CLCN7: variants seen among roughly 807,000 people sequenced by gnomAD.
CLCN7 encodes the protein Cl-/H+ antiporter 7.
Under a neutral mutation model 102.1 loss-of-function variants are expected in CLCN7, and 60 were observed. The ratio of observed to expected loss-of-function variants is 0.59; its 90% CI spans 0.48 to 0.73. CLCN7 has a LOEUF of 0.73. CLCN7 is among the 30% of genes least tolerant of loss of function. The pLI, the probability that CLCN7 is intolerant of heterozygous loss-of-function variation, is 0.00. For missense variants in CLCN7, 962 were observed against 1,125.7 expected (o/e 0.85, Z 2.08); for synonymous variants, 560 against 490.5 (o/e 1.14, Z -1.87).
chr16:1,454,633 T>C (rs1188296622), intron 12 of CLCN7, among the ~76,000 whole-genome samples, 168 bp from the exon 13 acceptor site: 1 of 152,166 alleles, frequency 6.6e-6, no homozygotes, highest in Non-Finnish European at 1.5e-5. Flanking sequence ...CTGGGTGTTC[T>C]GAGCAGGCCT....
chr16:1,457,712 C>T lies in CLCN7; in HGVS notation c.720G>A (p.Gly240=). 3 of 1,613,902 alleles carry T rather than the reference C, an allele frequency of 1.9e-6. No individual in the cohort carries two copies. Among genetic ancestry groups the T allele is most frequent in the South Asian group, 2.2e-5 (2 of 91,090 alleles). Residue 240 remains glycine (G), a synonymous_variant, in exon 8 of 25, where the codon GGG becomes GGA. Coordinates refer to ENST00000382745, the MANE Select transcript of CLCN7 (RefSeq NM_001287.6). The surrounding 1 kb of genome is among the most constrained non-coding windows in gnomAD (Gnocchi z 5.4). ...KVSGVILSVV[G]GLAVGKEGPM... is the part of the protein sequence containing the mutation. ...TTGTTACCTTTCCCACGGCCAGGCC[C>T]CCGACCACGGACAGGATCACACCGG...
chr16:1,473,220 A>G (rs1390987914), intron 1 of CLCN7, among the ~76,000 whole-genome samples: 1 of 152,154 alleles, frequency 6.6e-6, no homozygotes, highest in Non-Finnish European at 1.5e-5. Flanking sequence ...CACGGAGAGC[A>G]GGAGGGCCCA....
At chr16:1,465,111 T>C (rs935154226) in intron 2 of CLCN7, among the ~76,000 whole-genome samples, 156 bp downstream of exon 2, 10 of 152,214 alleles carry the variant, frequency 6.6e-5, no homozygotes, top group Non-Finnish European at 1.3e-4. Context: ...CTCTGCTCAC[T>C]TGGCGTCAGG....
Position 1,457,874 on chromosome 16 carries a change from C to A in CLCN7, c.676-118G>T. ...CAGAGTGGCTGGGACACGGGGCCTC[C>A]GGGAGGGGGCCAGCACCCCCAGGCT... On this transcript the variant is annotated intron_variant, in intron 7 of 24. Transcript: ENST00000382745. This position sits in a 1 kb window ranked among gnomAD's most constrained non-coding sequence, Gnocchi z 5.4. The A allele has an allele frequency of 1.0e-6, 1 of 995,732 alleles. No homozygotes were observed. Among genetic ancestry groups the A allele is most frequent in the Admixed American group, 1.9e-5 (1 of 52,302 alleles). The allele number at this position is 995,732 out of a possible 1,614,324, so 61.7% of individuals were successfully genotyped here.
At chr16:1,450,435 G>A (rs532654663) in intron 17 of CLCN7, 62 bp downstream of exon 17, 391 of 1,480,948 alleles carry the variant, frequency 2.6e-4, no homozygotes, top group Non-Finnish European at 3.2e-4. Flanking sequence ...GCTCCGGCCC[G>A]CGATGCCGCA....
chr16:1,448,823 C>G, intron 19 of CLCN7, 57 bp from the exon 20 acceptor site: 1 of 1,599,612 alleles, frequency 6.3e-7, no homozygotes, highest in Non-Finnish European at 8.5e-7. Flanking sequence ...CCTGGAGCCC[C>G]GAGCCTACCC....
At position 1,474,996 on chromosome 16, in the gene CLCN7, G is replaced by T. The variant is rs553118768; in HGVS notation, c.-22C>A. On this transcript the variant is annotated 5_prime_UTR_variant, in exon 1 of 25. Transcript: ENST00000382745. ...CCATGGCCCGCCGCGGAGCGACACC[G>T]GCCGGGAAGCGCCGGCTGCCCCCGT... 1 of 1,447,392 alleles carries T rather than the reference G, an allele frequency of 6.9e-7. No individual in the cohort carries two copies. The highest frequency in any genetic ancestry group is 1.5e-5 in the African/African-American group (1 of 67,934). 89.7% of individuals were successfully genotyped at this position (1,447,392 alleles called of 1,614,324 possible). A position where few individuals can be genotyped will look rare whatever the true frequency, so the allele number is the denominator to read the frequency against.
Position 1,452,844 on chromosome 16 carries a change from C to T in CLCN7, c.1264G>A (p.Ala422Thr), listed in dbSNP as rs1360191307. Residue 422 changes from alanine (A) to threonine (T), a missense_variant, in exon 15 of 25, where the codon GCC (alanine) becomes ACC (threonine). By Grantham distance (58) the Ala-to-Thr change is moderately conservative. Around this residue, in one of 2 missense-constraint regions of CLCN7, gnomAD observed 799 missense variants for 988.0 expected, o/e 0.81. Coordinates refer to ENST00000382745, the MANE Select transcript of CLCN7 (RefSeq NM_001287.6). Reference sequence around the variant, plus strand: ...ACGAAGGCAACTGTGGCCGTGACGGCGGCCACCAGCACGGCCTCAATCACC... The same window carrying T: ...ACGAAGGCAACTGTGGCCGTGACGGTGGCCACCAGCACGGCCTCAATCACC... ...LQVIEAVLVA[A>T]VTATVAFVLI... 22 of 1,585,920 alleles carry T rather than the reference C, an allele frequency of 1.4e-5. No homozygotes were observed. The highest frequency in any genetic ancestry group is 7.0e-5 in the East Asian group (3 of 43,048).
chr16:1,467,040 AC>A (rs1198579758), intron 1 of CLCN7, among the ~76,000 whole-genome samples: 32 of 145,412 alleles, frequency 2.2e-4, no homozygotes, highest in Admixed American at 1.7e-3. Context: ...CTTGCTGTAC[AC>A]CCCCCGTGTT....
At position 1,454,846 on chromosome 16, in the gene CLCN7, C is replaced by T. The variant is rs962152804; in HGVS notation, c.1098+288G>A. Among the ~76,000 whole-genome samples, 77 of 152,226 alleles carry T rather than the reference C, an allele frequency of 5.1e-4. 1 individual carries two copies. The highest frequency in any genetic ancestry group is 2.0e-4 in the Admixed American group (3 of 15,288). ...TGGAAACTAGGCCTGAGCCCACCTG[C>T]CCCGAGAGCGGCTGCTGCACGTGCC... On this transcript the variant is annotated intron_variant, in intron 12 of 24. Transcript: ENST00000382745.
In CLCN7 at chr16:1,455,111, A is replaced by C. The variant is rs773674996; in HGVS notation, c.1098+23T>G. 14 of 1,346,272 alleles carry C rather than the reference A, an allele frequency of 1.0e-5. No individual in the cohort carries two copies. The Admixed American group carries it at 2.3e-4, about 23-fold the overall frequency. 83.4% of individuals were successfully genotyped at this position (1,346,272 alleles called of 1,614,324 possible). On this transcript the variant is annotated intron_variant, in intron 12 of 24. Coordinates refer to ENST00000382745, the MANE Select transcript of CLCN7 (RefSeq NM_001287.6). ...CCTGGACCAGGATACGAGGTGGGCG[A>C]GGTGGGCGATGGGGCAGGTTACCTC...
intron 13 of CLCN7, 63 bp from the exon 14 acceptor site, chr16:1,453,957 G>A: frequency 6.5e-7 from 1 of 1,532,812 alleles, no homozygotes; most frequent in Non-Finnish European, 9.0e-7. Flanking sequence ...CCGCCCGCCG[G>A]CTCCCAGATG....
chr16:1,464,136 C>A (rs1417350917), intron 2 of CLCN7, among the ~76,000 whole-genome samples: 3 of 152,166 alleles, frequency 2.0e-5, no homozygotes, highest in African/African-American at 4.8e-5. Context: ...AGAAAACCCA[C>A]TGAACGGGAG....
intron 3 of CLCN7, 64 bp downstream of exon 3, chr16:1,461,539 C>T (rs1366501804): frequency 1.1e-5 from 18 of 1,607,784 alleles, no homozygotes; most frequent in African/African-American, 4.0e-5. Context: ...CACAGGGGAC[C>T]GGGAGTGGGC....
chr16:1,448,565 A>G (rs2038691310), intron 20 of CLCN7, 81 bp from the exon 21 acceptor site: 6 of 1,601,926 alleles, frequency 3.7e-6, no homozygotes, highest in Non-Finnish European at 5.1e-6. Context: ...TGAGGTGTGA[A>G]GCCGCTGGAC....
At chr16:1,452,679 T>A (rs2038770197) in intron 15 of CLCN7, 76 bp downstream of exon 15, 1 of 1,491,742 alleles carries the variant, frequency 6.7e-7, no homozygotes. Context: ...CCTCCTCCCG[T>A]AGCCTAAGCG....
At chr16:1,468,705 G>A (rs1049980288) in intron 1 of CLCN7, among the ~76,000 whole-genome samples, 2 of 152,090 alleles carry the variant, frequency 1.3e-5, no homozygotes, top group African/African-American at 2.4e-5. Flanking sequence ...GGTGGGACTA[G>A]AAAGATGGGT....
At chr16:1,470,633 G>A (rs1414078233) in intron 1 of CLCN7, among the ~76,000 whole-genome samples, 2 of 152,196 alleles carry the variant, frequency 1.3e-5, no homozygotes, top group African/African-American at 4.8e-5. Flanking sequence ...AAGGGCAGGG[G>A]ACAGCAGGGG....
chr16:1,447,497 G>A lies in CLCN7; in HGVS notation c.2145C>T (p.Tyr715=). ...TGGACTGGATGGGTGGGAAGCGCGG[G>A]TAGGCGTCTCGGAAGTCCTTCAGCC... is the stretch of plus-strand genomic sequence containing the variant. ...RLRLKDFRDA[Y]PRFPPIQSIH... is the part of the protein sequence containing the mutation. The change falls in exon 23 of 25, where the codon TAC becomes TAT. Residue 715 remains tyrosine, a synonymous_variant. Transcript: ENST00000382745. 6.4e-7 allele frequency: 1 copy of A among 1,553,932 alleles called. No homozygotes were observed. The highest frequency in any genetic ancestry group is 1.2e-5 in the South Asian group (1 of 84,328).
Sources: gnomAD v4.1 joint callset for allele counts (sites outside exome capture counted in the v4.1 genomes callset) on GRCh38, gnomAD v4.1.1 for gene constraint, gnomAD v4.1.1 regional missense constraint, Gnocchi (gnomAD v3.1) non-coding constraint, MANE v1.5 for transcripts, NCBI Gene and HGNC (gene_info 2026-07-23, HGNC 2026-07-21) for gene names.